The following ZNF267 variants were observed in gnomAD, a reference collection of about 807,000 sequenced individuals.
ZNF267 encodes zinc finger protein 267, also known as zinc finger (C2H2).
Under a neutral mutation model 71.6 loss-of-function variants are expected in ZNF267, and 61 were observed. The observed-to-expected ratio is 0.85, with a 90% CI of 0.69 to 1.05. The LOEUF (loss-of-function observed/expected upper bound fraction) is 1.05, where lower values mean the gene tolerates loss of function less well. ZNF267 is among the 50% of genes least tolerant of loss of function. ZNF267 has a pLI of 0.00. For missense variants in ZNF267, 852 were observed against 870.0 expected (o/e 0.98, Z 0.26); for synonymous variants, 288 against 293.2 (o/e 0.98, Z 0.18).
intron 3 of ZNF267, among the ~76,000 whole-genome samples, chr16:31,909,120 C>CTTTTTTTT (rs34409182): frequency 1.1e-3 from 48 of 45,320 alleles, no homozygotes; most frequent in East Asian, 2.9e-3. Flanking sequence ...CTTTTCTTTT[C>CTTTTTTTT]TTTTTTTTTT....
chr16:31,886,566 A>G (rs1224011804), intron 3 of ZNF267, among the ~76,000 whole-genome samples: 4 of 152,072 alleles, frequency 2.6e-5, no homozygotes, highest in Admixed American at 1.3e-4. Flanking sequence ...CCCCGACTCG[A>G]CCTCCATCCA....
At chr16:31,891,678 G>C (rs2083961365) in intron 3 of ZNF267, among the ~76,000 whole-genome samples, 1 of 152,182 alleles carries the variant, frequency 6.6e-6, no homozygotes, top group Admixed American at 6.5e-5. Flanking sequence ...CTTGTCTGCT[G>C]CCATGTGAGA....
intron 3 of ZNF267, among the ~76,000 whole-genome samples, chr16:31,902,157 C>G (rs2084046724): frequency 6.6e-6 from 1 of 152,164 alleles, no homozygotes; most frequent in Admixed American, 6.5e-5. Context: ...GTCTATATCT[C>G]TGTTTTTGTA....
chr16:31,875,041 A>G (rs2083842315), intron 1 of ZNF267: 1 of 1,025,554 alleles, frequency 9.8e-7, no homozygotes, highest in African/African-American at 1.7e-5. Flanking sequence ...AATCCCTGAC[A>G]CTCCACTGCA....
chr16:31,901,029 CTA>C (rs2084036877), intron 3 of ZNF267, among the ~76,000 whole-genome samples: 1 of 152,018 alleles, frequency 6.6e-6, no homozygotes, highest in Non-Finnish European at 1.5e-5. Context: ...CAATTCCCAC[CTA>C]TGAGTGAGAA....
At chr16:31,902,508 A>G (rs1307391484) in intron 3 of ZNF267, among the ~76,000 whole-genome samples, 3 of 152,204 alleles carry the variant, frequency 2.0e-5, no homozygotes, top group South Asian at 4.1e-4. Context: ...GGTCCTTCAC[A>G]TCCCTTGTAA....
chr16:31,914,455 T>G (rs946365650), intron 3 of ZNF267, 21 bp from the exon 4 acceptor site: 4 of 1,536,138 alleles, frequency 2.6e-6, no homozygotes, highest in Admixed American at 2.2e-5. Context: ...TTGGAATTCT[T>G]AAAATTTTTA....
intron 1 of ZNF267, among the ~76,000 whole-genome samples, chr16:31,880,570 T>G (rs1216887074): frequency 6.6e-6 from 1 of 152,194 alleles, no homozygotes; most frequent in Non-Finnish European, 1.5e-5. Context: ...TATTGGGTTT[T>G]CATCACACAG....
rs543205926 is a variant in ZNF267, at chr16:31,874,886, A to G, written c.3+917A>G. Among the ~76,000 whole-genome samples the G allele has an allele frequency of 3.9e-5, 6 of 152,294 alleles. No individual in the cohort carries two copies. In the South Asian group the frequency reaches 1.2e-3, roughly 32 times the overall value. On this transcript the variant is annotated intron_variant, in intron 1 of 3. Coordinates refer to ENST00000300870, the MANE Select transcript of ZNF267 (RefSeq NM_003414.6). ...GGCCAACTTCCCCTCTCCAGTTCACATTCTTAACTATTGGTCATTTATTGT... is the reference window on the plus strand; with the variant it reads ...GGCCAACTTCCCCTCTCCAGTTCACGTTCTTAACTATTGGTCATTTATTGT...
chr16:31,876,274 C>T (rs921808667), intron 1 of ZNF267, among the ~76,000 whole-genome samples: 1 of 152,192 alleles, frequency 6.6e-6, no homozygotes, highest in East Asian at 1.9e-4. Flanking sequence ...GACTGAAGTG[C>T]AGTGGTGTGA....
intron 3 of ZNF267, among the ~76,000 whole-genome samples, chr16:31,886,917 AT>A (rs542076125): frequency 6.6e-6 from 1 of 152,018 alleles, no homozygotes; most frequent in African/African-American, 2.4e-5. Flanking sequence ...ACTATTTTTA[AT>A]TTTTTTTGAG....
intron 3 of ZNF267, 53 bp from the exon 4 acceptor site, chr16:31,914,423 T>C (rs2084156629): frequency 1.4e-6 from 2 of 1,429,012 alleles, no homozygotes; most frequent in Non-Finnish European, 9.4e-7. Context: ...ATTTGTAAAA[T>C]ATATGTACCT....
intron 1 of ZNF267, among the ~76,000 whole-genome samples, chr16:31,875,844 C>T (rs949157781): frequency 8.5e-5 from 13 of 152,176 alleles, no homozygotes; most frequent in Admixed American, 8.5e-4. Flanking sequence ...AGATAAAAAA[C>T]ATTTCCAAGG....
chr16:31,910,279 G>A (rs1288059831), intron 3 of ZNF267, among the ~76,000 whole-genome samples: 1 of 151,630 alleles, frequency 6.6e-6, no homozygotes, highest in Non-Finnish European at 1.5e-5. Flanking sequence ...GAATGAGTTG[G>A]GAAGTATTCC....
chr16:31,884,643 C>A lies in ZNF267; in HGVS notation c.130+19C>A. On this transcript the variant is annotated intron_variant, in intron 2 of 3. Coordinates refer to ENST00000300870, the MANE Select transcript of ZNF267 (RefSeq NM_003414.6). ...TCTCTGGGTGAGGATAACTTGCCTT[C>A]GGAATATCTAATAACTAAGAGTTTT... 1 of 1,603,152 alleles carries A rather than the reference C, an allele frequency of 6.2e-7. No individual in the cohort carries two copies. Among genetic ancestry groups the A allele is most frequent in the Non-Finnish European group, 8.5e-7 (1 of 1,175,496 alleles).
At chr16:31,891,598 T>A (rs916112638) in intron 3 of ZNF267, among the ~76,000 whole-genome samples, 3 of 152,278 alleles carry the variant, frequency 2.0e-5, no homozygotes, top group Admixed American at 6.5e-5. Flanking sequence ...GCTATTCTTG[T>A]GATAGTGAAT....
Position 31,909,003 on chromosome 16 carries a change from C to T in ZNF267, c.227-5473C>T, listed in dbSNP as rs183024200. On this transcript the variant is annotated intron_variant, in intron 3 of 3. Transcript: ENST00000300870. The stretch of plus-strand genomic sequence containing the variant: ...ATTGCATTGATTCTGTAGATTGTTT[C>T]GAGTAGTATGGATATTTTAACAATA... Among the ~76,000 whole-genome samples, 252 of 149,618 alleles carry T rather than the reference C, an allele frequency of 1.7e-3. 1 individual carries two copies. Among genetic ancestry groups the T allele is most frequent in the Middle Eastern group, 6.9e-3 (2 of 288 alleles).
Position 31,884,601 on chromosome 16 carries a change from A to T in ZNF267, c.107A>T (p.Asn36Ile). 2 of 1,614,096 alleles carry T rather than the reference A, an allele frequency of 1.2e-6. No individual in the cohort carries two copies. The highest frequency in any genetic ancestry group is 2.2e-5 in the South Asian group (2 of 91,070). ...KNLYQDVMLE[N>I]YRNLVSLGLV... Reference sequence around the variant, plus strand: ...TTGTATCAGGATGTGATGTTAGAAAACTACAGAAACCTGGTCTCTCTGGGT... The same window carrying T: ...TTGTATCAGGATGTGATGTTAGAAATCTACAGAAACCTGGTCTCTCTGGGT... The change falls in exon 2 of 4, where the codon AAC becomes ATC. Residue 36 changes from asparagine (N) to isoleucine (I), a missense_variant. Coordinates refer to ENST00000300870, the MANE Select transcript of ZNF267 (RefSeq NM_003414.6).
At chr16:31,901,366 G>A (rs2084039719) in intron 3 of ZNF267, among the ~76,000 whole-genome samples, 1 of 152,158 alleles carries the variant, frequency 6.6e-6, no homozygotes, top group Non-Finnish European at 1.5e-5. Flanking sequence ...GATCCCTGAG[G>A]AATCGCCACA....
Sources: allele counts gnomAD v4.1 joint callset (sites outside exome capture counted in the v4.1 genomes callset), GRCh38; gene constraint gnomAD v4.1.1; transcripts MANE v1.5; gene names NCBI Gene and HGNC (gene_info 2026-07-23, HGNC 2026-07-21).